The following ATP2A3 variants were observed in gnomAD, a reference collection of about 807,000 sequenced individuals.
ATP2A3 encodes sarcoplasmic/endoplasmic reticulum calcium ATPase 3.
A neutral mutation model predicts 106.8 loss-of-function variants in ATP2A3; 61 were observed. That is an observed-to-expected ratio of 0.57 (90% CI 0.46 to 0.71). The LOEUF (loss-of-function observed/expected upper bound fraction) is 0.71. Among genes scored for constraint, ATP2A3 ranks in the 30% least tolerant of loss-of-function variants. The pLI, the probability that ATP2A3 is intolerant of heterozygous loss-of-function variation, is 0.00. For missense variants in ATP2A3, 1,201 were observed against 1,423.5 expected (o/e 0.84, Z 2.52); for synonymous variants, 611 against 609.3 (o/e 1.00, Z -0.04).
intron 11 of ATP2A3, 29 bp downstream of exon 11, chr17:3,943,362 C>T (rs762590375): frequency 5.0e-5 from 81 of 1,612,380 alleles, no homozygotes; most frequent in Non-Finnish European, 6.3e-5. Context: ...GCCATGCAGC[C>T]GGAGGCCTGA....
chr17:3,934,229 C>T (rs972136949), intron 17 of ATP2A3, among the ~76,000 whole-genome samples: 5 of 150,734 alleles, frequency 3.3e-5, no homozygotes, highest in African/African-American at 9.8e-5. Flanking sequence ...AGGATGTGTT[C>T]TTTTTTTTTC....
At chr17:3,950,383 C>T (rs2054346204) in intron 7 of ATP2A3, 128 bp downstream of exon 7, 3 of 920,066 alleles carry the variant, frequency 3.3e-6, no homozygotes, top group Admixed American at 4.0e-5. Flanking sequence ...AGGCTGGTCT[C>T]GAACTCCTGA....
At position 3,924,722 on chromosome 17, in the gene ATP2A3, C is replaced by G. The variant is rs766176314; in HGVS notation, c.*700G>C. On this transcript the variant is annotated 3_prime_UTR_variant, in exon 21 of 21. Transcript: ENST00000397041. The surrounding 1 kb of genome is among the most constrained non-coding windows in gnomAD (Gnocchi z 6.4). The stretch of plus-strand genomic sequence containing the variant: ...GTCCAGCCAGGCTTTCCCGACTTGT[C>G]TCCCGGGAAAGGACATCCTCGCTCC... 3.3e-5 allele frequency: 15 copies of G among 456,348 alleles called. No individual in the cohort carries two copies. Among genetic ancestry groups the G allele is most frequent in the Admixed American group, 2.6e-4 (11 of 42,554 alleles). The allele number at this position is 456,348 out of a possible 1,614,324, so 28.3% of individuals were successfully genotyped here.
Position 3,929,357 on chromosome 17 carries a change from A to G in ATP2A3, c.2833T>C (p.Phe945Leu). Residue 945 changes from phenylalanine (F) to leucine (L), a missense_variant, in exon 19 of 21, where the codon TTC becomes CTC. Coordinates refer to ENST00000397041, the MANE Select transcript of ATP2A3 (RefSeq NM_005173.4). This position sits in a 1 kb window ranked among gnomAD's most constrained non-coding sequence, Gnocchi z 4.3. ...VAVAMSMALH[F>L]LILLVPPLPL... is the part of the protein sequence containing the mutation. ...AGGGGCGGCACGAGCAGGATGAGGA[A>G]GTGCAGGGCCATGGACATGGCCACA... The G allele has an allele frequency of 6.4e-7, 1 of 1,559,342 alleles. No individual in the cohort carries two copies. The highest frequency in any genetic ancestry group is 1.4e-5 in the African/African-American group (1 of 73,498).
At position 3,924,901 on chromosome 17, in the gene ATP2A3, G is replaced by A. The variant is rs1295728412; in HGVS notation, c.*521C>T. The A allele has an allele frequency of 2.2e-6, 1 of 454,442 alleles. No individual in the cohort carries two copies. The highest frequency in any genetic ancestry group is 6.9e-5 in the East Asian group (1 of 14,424). 28.2% of individuals were successfully genotyped at this position (454,442 alleles called of 1,614,324 possible). ...TGCCCACCCTCGCTGTACACAGCTGGGCCCAGATGGCCCCTTCTGATCCCC... is the reference window on the plus strand; with the variant it reads ...TGCCCACCCTCGCTGTACACAGCTGAGCCCAGATGGCCCCTTCTGATCCCC... On this transcript the variant is annotated 3_prime_UTR_variant, in exon 21 of 21. Transcript: ENST00000397041. The surrounding 1 kb of genome is among the most constrained non-coding windows in gnomAD (Gnocchi z 6.4).
intron 13 of ATP2A3, 58 bp downstream of exon 13, chr17:3,941,378 G>C: frequency 1.2e-6 from 2 of 1,613,782 alleles, no homozygotes; most frequent in Non-Finnish European, 1.7e-6. Context: ...GCTGCTGCAG[G>C]GAGACTTGGC....
chr17:3,943,020 G>T (rs1001069587), intron 11 of ATP2A3, among the ~76,000 whole-genome samples: 2 of 152,144 alleles, frequency 1.3e-5, no homozygotes, highest in Admixed American at 6.5e-5. Context: ...AGGAGCGGTG[G>T]CTCACGCCTG....
rs758566193 is a variant in ATP2A3, at chr17:3,924,849, G to C, written c.*573C>G. Reference sequence around the variant, plus strand: ...CCTCGAGCTCTCGGGAGCCGACTTTGTGGAAGCAGAGTGGAGTGGAGGGGG... The same window carrying C: ...CCTCGAGCTCTCGGGAGCCGACTTTCTGGAAGCAGAGTGGAGTGGAGGGGG... On this transcript the variant is annotated 3_prime_UTR_variant, in exon 21 of 21. Transcript: ENST00000397041. This position sits in a 1 kb window ranked among gnomAD's most constrained non-coding sequence, Gnocchi z 6.4. 17 of 456,780 alleles carry C rather than the reference G, an allele frequency of 3.7e-5. No individual in the cohort carries two copies. Among genetic ancestry groups the C allele is most frequent in the Non-Finnish European group, 4.0e-5 (9 of 227,088 alleles). The allele number at this position is 456,780 out of a possible 1,614,324, so 28.3% of individuals were successfully genotyped here.
At chr17:3,958,869 T>TATAC (rs71144150) in intron 1 of ATP2A3, among the ~76,000 whole-genome samples, 1 of 77,442 alleles carries the variant, frequency 1.3e-5, no homozygotes. Context: ...TATATATATA[T>TATAC]ACACACACAC....
rs751432259 is a variant in ATP2A3 at position 3,937,416 on chromosome 17, C to T, written c.2321G>A (p.Cys774Tyr). 1.1e-5 allele frequency: 18 copies of T among 1,612,546 alleles called. No homozygotes were observed. Among genetic ancestry groups the T allele is most frequent in the Non-Finnish European group, 1.5e-5 (18 of 1,179,004 alleles). ...LISSNVGEVV[C>Y]IFLTAILGLP... ...GAGAGGAGGGAAGGCCCGGCCTCAC[C>T]AGACGACCTCGCCAACATTGGAGGA... Residue 774 changes from cysteine (C) to tyrosine (Y), a missense_variant and splice_region_variant, in exon 15 of 21, where the codon TGC (cysteine) becomes TAC (tyrosine). Cys to Tyr is a radical substitution (Grantham distance 194, BLOSUM62 -2). This residue lies in a region of ATP2A3 where 935 missense variants were observed against 1,176.7 expected (regional missense o/e 0.79). Coordinates refer to ENST00000397041, the MANE Select transcript of ATP2A3 (RefSeq NM_005173.4).
chr17:3,957,941 C>T (rs918125545), intron 1 of ATP2A3, among the ~76,000 whole-genome samples: 6 of 152,166 alleles, frequency 3.9e-5, no homozygotes, highest in African/African-American at 4.8e-5. Context: ...TCTGAGCCTC[C>T]GCCACGGTGA....
chr17:3,924,162 G>C lies in ATP2A3; in HGVS notation c.*1260C>G, dbSNP rs991795592. The C allele has an allele frequency of 3.3e-5, 5 of 152,426 alleles. No individual in the cohort carries two copies. Among genetic ancestry groups the C allele is most frequent in the Admixed American group, 3.3e-4 (5 of 15,288 alleles). 9.4% of individuals were successfully genotyped at this position (152,426 alleles called of 1,614,324 possible). On this transcript the variant is annotated 3_prime_UTR_variant, in exon 21 of 21. Transcript: ENST00000397041. This position sits in a 1 kb window ranked among gnomAD's most constrained non-coding sequence, Gnocchi z 6.4. ...GTGGGGGACTAGGAAAGGGATGTGA[G>C]TCTTGATTTACATATAAAATCATCA...
rs2052723908 is a variant in ATP2A3, at chr17:3,926,697, G to C, written c.2981-1256C>G. 3 of 223,988 alleles carry C rather than the reference G, an allele frequency of 1.3e-5. No homozygotes were observed. The highest frequency in any genetic ancestry group is 2.2e-5 in the Non-Finnish European group (3 of 133,876). The allele number at this position is 223,988 out of a possible 1,614,324, so 13.9% of individuals were successfully genotyped here. A position where few individuals can be genotyped will look rare whatever the true frequency, so the allele number is the denominator to read the frequency against. ...TGATTCTCCTGCCTCAGCCTCCCGA[G>C]TAGCTGGGATTATAGGCACCTGCCA... On this transcript the variant is annotated intron_variant, in intron 20 of 20. Transcript: ENST00000397041. This position sits in a 1 kb window ranked among gnomAD's most constrained non-coding sequence, Gnocchi z 4.6.
chr17:3,947,914 C>T lies in ATP2A3; in HGVS notation c.631-59G>A. ...AGCAGCCAACCAGGGGCCCAGGACC[C>T]CTGACTCCTTCAGGCCGGAATAAGG... is the stretch of plus-strand genomic sequence containing the variant. On this transcript the variant is annotated intron_variant, in intron 7 of 20. Coordinates refer to ENST00000397041, the MANE Select transcript of ATP2A3 (RefSeq NM_005173.4). The surrounding 1 kb of genome is among the most constrained non-coding windows in gnomAD (Gnocchi z 7.7). 1 of 1,539,956 alleles carries T rather than the reference C, an allele frequency of 6.5e-7. No individual in the cohort carries two copies. The highest frequency in any genetic ancestry group is 1.4e-5 in the African/African-American group (1 of 73,666).
At position 3,930,692 on chromosome 17, in the gene ATP2A3, AAGG is replaced by A. The variant is rs749962423; in HGVS notation, c.2611-261_2611-259del. ...CTGGAGCAGGAGTGCAGCGGCTCAG[AAGG>A]AGAACAGCTGGCATTAGCCTGGGGA... On this transcript the variant is annotated intron_variant, in intron 17 of 20. Coordinates refer to ENST00000397041, the MANE Select transcript of ATP2A3 (RefSeq NM_005173.4). This position sits in a 1 kb window ranked among gnomAD's most constrained non-coding sequence, Gnocchi z 5.4. 41 of 572,064 alleles carry A rather than the reference AAGG, an allele frequency of 7.2e-5. 1 individual carries two copies. The highest frequency in any genetic ancestry group is 1.7e-4 in the Admixed American group (6 of 35,512). 35.4% of individuals were successfully genotyped at this position (572,064 alleles called of 1,614,324 possible). A position where few individuals can be genotyped will look rare whatever the true frequency, so the allele number is the denominator to read the frequency against.
In ATP2A3 at chr17:3,928,663, C is replaced by A. The variant is rs750110323; in HGVS notation, c.2980G>T (p.Glu994Ter). ...LKYLSRNHMH[E>*]EMSQK is the part of the protein sequence containing the mutation. The stretch of plus-strand genomic sequence containing the variant: ...AGGCGGGACGGGGCCTCCCACTCAC[C>A]GTGCATGTGGTTCCGGGACAGGTAC... The change falls in exon 20 of 21, where the codon GAA becomes TAA. Residue 994 changes from glutamate (E) to a stop codon, truncating the protein, a stop_gained and splice_region_variant. Coordinates refer to ENST00000397041, the MANE Select transcript of ATP2A3 (RefSeq NM_005173.4). LOFTEE classifies it high-confidence loss of function. The surrounding 1 kb of genome is among the most constrained non-coding windows in gnomAD (Gnocchi z 6.1). The A allele has an allele frequency of 6.5e-6, 10 of 1,549,980 alleles. No homozygotes were observed. The Admixed American group carries it at 2.0e-4, about 30-fold the overall frequency.
chr17:3,937,279 G>T (rs1490487877), intron 15 of ATP2A3, 137 bp downstream of exon 15: 9 of 999,922 alleles, frequency 9.0e-6, no homozygotes, highest in Non-Finnish European at 1.4e-5. Flanking sequence ...CTCCAAGGTG[G>T]GACCCTGGAA....
chr17:3,950,997 C>T (rs1485179697), intron 5 of ATP2A3, among the ~76,000 whole-genome samples: 3 of 151,942 alleles, frequency 2.0e-5, no homozygotes, highest in African/African-American at 4.8e-5. Context: ...TATATACGGC[C>T]GGAATGACGG....
intron 14 of ATP2A3, among the ~76,000 whole-genome samples, chr17:3,939,738 G>T (rs951980308): frequency 1.5e-5 from 2 of 134,794 alleles, no homozygotes; most frequent in Non-Finnish European, 1.5e-5. Context: ...AGTGAGCCGA[G>T]ATCGTGCCAC....
Sources: gnomAD v4.1 joint callset for allele counts (sites outside exome capture counted in the v4.1 genomes callset) on GRCh38, gnomAD v4.1.1 for gene constraint, gnomAD v4.1.1 regional missense constraint, Gnocchi (gnomAD v3.1) non-coding constraint, MANE v1.5 for transcripts, NCBI Gene and HGNC (gene_info 2026-07-23, HGNC 2026-07-21) for gene names.